The following GNAI3 variants were observed in gnomAD, a reference collection of about 807,000 sequenced individuals.
The protein encoded by GNAI3 is G protein subunit alpha i3.
In GNAI3, 12 loss-of-function variants were observed where a neutral mutation model predicts 41.8. That is an observed-to-expected ratio of 0.29 (90% confidence interval 0.18 to 0.47). GNAI3 has a LOEUF of 0.47. GNAI3 is among the 20% of genes least tolerant of loss of function. GNAI3 has a pLI of 1.00. For synonymous variants in GNAI3, 132 were observed against 146.5 expected, an observed-to-expected ratio of 0.90 and a Z score of 0.71; for missense variants, 360 against 429.6, an observed-to-expected ratio of 0.84 and a Z score of 1.43.
intron 1 of GNAI3, among the ~76,000 whole-genome samples, chr1:109,572,455 G>A (rs190069292): frequency 6.6e-6 from 1 of 152,302 alleles, no homozygotes; most frequent in Admixed American, 6.5e-5. Context: ...GAGAGGCTAA[G>A]ATGAGCACCA....
In GNAI3 at chr1:109,575,781, C is replaced by T. The variant is rs192002306; in HGVS notation, c.303+1744C>T. On this transcript the variant is annotated intron_variant, in intron 3 of 8. Transcript: ENST00000369851. Reference sequence around the variant, plus strand: ...TCCTGACCTTGTGATCCGCCCGCCTCGGCCTCCCAAAGTGCTGGGATTATA... The same window carrying T: ...TCCTGACCTTGTGATCCGCCCGCCTTGGCCTCCCAAAGTGCTGGGATTATA... Among the ~76,000 whole-genome samples, 874 of 152,124 alleles carry T rather than the reference C, an allele frequency of 5.7e-3. 10 individuals carry two copies. Among genetic ancestry groups the T allele is most frequent in the African/African-American group, 0.02 (815 of 41,516 alleles).
At position 109,570,156 on chromosome 1, in the gene GNAI3, A is replaced by T. The variant is rs565019254; in HGVS notation, c.119-3581A>T. On this transcript the variant is annotated intron_variant, in intron 1 of 8. Transcript: ENST00000369851. ...ATAACAGCATCCTAAGAAAGTCACT[A>T]TGTGCTATTTGAGTATTAACTATTT... is the stretch of plus-strand genomic sequence containing the variant. Among the ~76,000 whole-genome samples, 10 of 152,318 alleles carry T rather than the reference A, an allele frequency of 6.6e-5. No homozygotes were observed. In the South Asian group the frequency reaches 1.5e-3, roughly 22 times the overall value.
intron 3 of GNAI3, 79 bp from the exon 4 acceptor site, chr1:109,579,125 G>A (rs1048587187): frequency 1.8e-6 from 2 of 1,138,914 alleles, no homozygotes; most frequent in African/African-American, 1.5e-5. Context: ...CATGTAATGT[G>A]TCTATATTTT....
At chr1:109,552,933 C>G (rs952042262) in intron 1 of GNAI3, among the ~76,000 whole-genome samples, 1 of 152,080 alleles carries the variant, frequency 6.6e-6, no homozygotes, top group African/African-American at 2.4e-5. Flanking sequence ...AGACCCAGAG[C>G]AAGTAACTTA....
chr1:109,564,265 A>G (rs1461166188), intron 1 of GNAI3, among the ~76,000 whole-genome samples: 1 of 151,128 alleles, frequency 6.6e-6, no homozygotes, highest in Non-Finnish European at 1.5e-5. Context: ...TTCTGCCTTT[A>G]TTTTATTTAT....
intron 5 of GNAI3, among the ~76,000 whole-genome samples, chr1:109,585,361 A>T (rs981302487): frequency 6.6e-6 from 1 of 152,226 alleles, no homozygotes; most frequent in Non-Finnish European, 1.5e-5. Flanking sequence ...GTATTGGACT[A>T]AAACTAATAT....
In GNAI3 at chr1:109,598,523, G is replaced by GAA; in HGVS notation, c.*6211_*6212dup. 1.8e-5 allele frequency: 3 copies of GAA among 168,000 alleles called. No homozygotes were observed. Among genetic ancestry groups the GAA allele is most frequent in the Admixed American group, 5.9e-5 (1 of 16,916 alleles). 10.4% of individuals were successfully genotyped at this position (168,000 alleles called of 1,614,324 possible). On this transcript the variant is annotated 3_prime_UTR_variant, in exon 9 of 9. Transcript: ENST00000369851. ...ATGATACTCAGGATTATACTGCACA[G>GAA]AAAAAAAAAAATCCTAAGGCAGCAC...
At chr1:109,568,995 CAGAT>C (rs1197278556) in intron 1 of GNAI3, among the ~76,000 whole-genome samples, 3 of 152,144 alleles carry the variant, frequency 2.0e-5, no homozygotes, top group Non-Finnish European at 4.4e-5. Flanking sequence ...TCCCTGTCCC[CAGAT>C]AGTTTTCTAA....
Position 109,595,289 on chromosome 1 carries a change from T to G in GNAI3, c.*2967T>G, listed in dbSNP as rs772277966. The stretch of plus-strand genomic sequence containing the variant: ...CAGCTTTGCAACAGATTTCACCTCC[T>G]AGCATGAAAATTCCAAAAACTTTAA... On this transcript the variant is annotated 3_prime_UTR_variant, in exon 9 of 9. Coordinates refer to ENST00000369851, the MANE Select transcript of GNAI3 (RefSeq NM_006496.4). The G allele has an allele frequency of 6.6e-6, 1 of 152,160 alleles. No individual in the cohort carries two copies. Among genetic ancestry groups the G allele is most frequent in the Non-Finnish European group, 1.5e-5 (1 of 67,990 alleles). 9.4% of individuals were successfully genotyped at this position (152,160 alleles called of 1,614,324 possible). A position where few individuals can be genotyped will look rare whatever the true frequency, so the allele number is the denominator to read the frequency against.
At chr1:109,576,408 G>T (rs1197626163) in intron 3 of GNAI3, among the ~76,000 whole-genome samples, 1 of 151,362 alleles carries the variant, frequency 6.6e-6, no homozygotes, top group Admixed American at 6.6e-5. Flanking sequence ...GAGTGTGAAT[G>T]GAAAAAAAAT....
intron 1 of GNAI3, among the ~76,000 whole-genome samples, chr1:109,563,713 A>G (rs59000638): frequency 0.056 from 8,489 of 152,290 alleles, 780 homozygotes; most frequent in African/African-American, 0.19. Context: ...AGAACAAACC[A>G]TATAGTGCCA....
rs182288137 is a variant in GNAI3 at position 109,582,217 on chromosome 1, C to T, written c.462-220C>T. On this transcript the variant is annotated intron_variant, in intron 4 of 8. Transcript: ENST00000369851. ...TGTTGCCCAGGCTGGTCTTGAACTC[C>T]TGGCCTCAAGCGACCTTCCTGCCTT... Among the ~76,000 whole-genome samples the T allele has an allele frequency of 4.6e-5, 7 of 152,250 alleles. No individual in the cohort carries two copies. The East Asian group carries it at 1.2e-3, about 25-fold the overall frequency.
chr1:109,560,843 C>A (rs1465981992), intron 1 of GNAI3, among the ~76,000 whole-genome samples: 1 of 152,206 alleles, frequency 6.6e-6, no homozygotes, highest in Non-Finnish European at 1.5e-5. Context: ...GCCACTGCAT[C>A]TGACCTGATT....
At chr1:109,570,268 A>T (rs1648559169) in intron 1 of GNAI3, among the ~76,000 whole-genome samples, 1 of 152,198 alleles carries the variant, frequency 6.6e-6, no homozygotes, top group African/African-American at 2.4e-5. Context: ...AGTTGTCTAG[A>T]ATTTTTATAT....
chr1:109,553,108 A>G (rs1219591996), intron 1 of GNAI3, among the ~76,000 whole-genome samples: 4 of 152,158 alleles, frequency 2.6e-5, no homozygotes, highest in African/African-American at 7.2e-5. Context: ...CATTTTAGCT[A>G]CTTTTTTCAG....
At chr1:109,591,945 T>C in intron 7 of GNAI3, 98 bp from the exon 8 acceptor site, 1 of 631,020 alleles carries the variant, frequency 1.6e-6, no homozygotes. Flanking sequence ...TTTAATTGGG[T>C]TATGTTCCCT....
rs1557907659 is a variant in GNAI3 at position 109,573,920 on chromosome 1, A to T, written c.186A>T (p.Ser62=). The T allele has an allele frequency of 2.5e-6, 4 of 1,610,416 alleles. No individual in the cohort carries two copies. Among genetic ancestry groups the T allele is most frequent in the Middle Eastern group, 3.3e-4 (2 of 6,052 alleles). Residue 62 remains serine, a synonymous_variant, in exon 3 of 9, where the codon TCA becomes TCT. Transcript: ENST00000369851. ...GAATCATTCATGAGGATGGCTATTC[A>T]GAGGATGAATGTAAACAATATAAAG... The part of the protein sequence containing the change: ...QMKIIHEDGY[S]EDECKQYKVV...
chr1:109,593,532 A>G lies in GNAI3; in HGVS notation c.*1210A>G, dbSNP rs1649220759. 6.6e-6 allele frequency: 1 copy of G among 152,632 alleles called. No individual in the cohort carries two copies. The highest frequency in any genetic ancestry group is 1.5e-5 in the Non-Finnish European group (1 of 68,030). The allele number at this position is 152,632 out of a possible 1,614,324, so 9.5% of individuals were successfully genotyped here. A position where few individuals can be genotyped will look rare whatever the true frequency, so the allele number is the denominator to read the frequency against. ...AGAGCCCAGGTTTGCTCCTGTTTGT[A>G]ACTAGTCTTTTCTGGAAATACTGTC... On this transcript the variant is annotated 3_prime_UTR_variant, in exon 9 of 9. Transcript: ENST00000369851.
Position 109,548,770 on chromosome 1 carries a change from A to G in GNAI3, c.50A>G (p.Lys17Arg), listed in dbSNP as rs532356820. Residue 17 changes from lysine (K) to arginine (R), a missense_variant, in exon 1 of 9, where the codon AAG becomes AGG. Physicochemically the swap from Lys to Arg is conservative, Grantham distance 26. Coordinates refer to ENST00000369851, the MANE Select transcript of GNAI3 (RefSeq NM_006496.4). ...AEDKAAVERS[K>R]MIDRNLREDG... ...GACAAGGCGGCAGTGGAGCGAAGCA[A>G]GATGATCGACCGCAACTTACGGGAG... The G allele has an allele frequency of 6.2e-7, 1 of 1,613,738 alleles. No homozygotes were observed. The highest frequency in any genetic ancestry group is 2.2e-5 in the East Asian group (1 of 44,852).
Sources: gnomAD v4.1 joint callset for allele counts (sites outside exome capture counted in the v4.1 genomes callset) on GRCh38, gnomAD v4.1.1 for gene constraint, MANE v1.5 for transcripts, NCBI Gene and HGNC (gene_info 2026-07-23, HGNC 2026-07-21) for gene names.